KLHL8: variants seen among roughly 807,000 people sequenced by gnomAD.
KLHL8 encodes kelch-like protein 8.
Under a neutral mutation model 63.5 loss-of-function variants are expected in KLHL8, and 38 were observed. The ratio of observed to expected loss-of-function variants is 0.60; its 90% CI spans 0.46 to 0.78. The LOEUF is 0.78. Ranked by LOEUF, KLHL8 falls within the 30% of genes least tolerant of loss-of-function variation. The pLI is 0.00. For synonymous variants in KLHL8, 224 were observed against 254.3 expected (o/e 0.88, Z 1.13); for missense variants, 566 against 752.4 (o/e 0.75, Z 2.90).
chr4:87,210,084 G>A (rs144688986), intron 1 of KLHL8, among the ~76,000 whole-genome samples: 2 of 151,946 alleles, frequency 1.3e-5, no homozygotes, highest in African/African-American at 2.4e-5. Context: ...TGGTGAACTC[G>A]TGAGCTCCAG....
At chr4:87,234,797 G>T (rs1295885539) in intron 1 of KLHL8, among the ~76,000 whole-genome samples, 1 of 152,150 alleles carries the variant, frequency 6.6e-6, no homozygotes, top group African/African-American at 2.4e-5. Flanking sequence ...AACTCCATGT[G>T]GGTTATTGCC....
chr4:87,224,047 C>G (rs1023982859), upstream of KLHL8, among the ~76,000 whole-genome samples: 1 of 152,016 alleles, frequency 6.6e-6, no homozygotes, highest in Non-Finnish European at 1.5e-5. Context: ...ATTTTAACCC[C>G]AATCAACATT....
intron 1 of KLHL8, among the ~76,000 whole-genome samples, chr4:87,218,820 C>G (rs897727041): frequency 3.3e-5 from 5 of 152,024 alleles, no homozygotes; most frequent in African/African-American, 1.2e-4. Flanking sequence ...CTGCAACCTC[C>G]GCCTCCCGGG....
In KLHL8 at chr4:87,185,475, G is replaced by T. The variant is rs532769943; in HGVS notation, c.541C>A (p.Arg181=). ...TCCGCCATGTCCATTAAGTCTATTC[G>T]ATTGTGACTTTCTGCAAAGGCTCTT... The part of the protein sequence containing the change: ...AVRAFAESHN[R]IDLMDMADQY... Residue 181 remains arginine (R), a synonymous_variant, in exon 3 of 10, where the codon CGA becomes AGA. Transcript: ENST00000273963. 4.3e-6 allele frequency: 7 copies of T among 1,614,112 alleles called. No homozygotes were observed. The African/African-American group carries it at 9.3e-5, about 22-fold the overall frequency.
At chr4:87,230,121 A>C (rs1005624124) in intron 1 of KLHL8, among the ~76,000 whole-genome samples, 11 of 152,304 alleles carry the variant, frequency 7.2e-5, no homozygotes, top group Admixed American at 6.5e-4. Flanking sequence ...GGAATAATGC[A>C]GTACTTCTGA....
At chr4:87,224,661 T>C (rs979701199), upstream of KLHL8, among the ~76,000 whole-genome samples, 13 of 152,180 alleles carry the variant, frequency 8.5e-5, no homozygotes, top group African/African-American at 3.1e-4. Flanking sequence ...GTCACCCTCC[T>C]ACAAAACCAG....
intron 8 of KLHL8, among the ~76,000 whole-genome samples, chr4:87,164,850 A>G (rs1054516515): frequency 1.3e-5 from 2 of 152,154 alleles, no homozygotes; most frequent in African/African-American, 4.8e-5. Context: ...ATCAATCTAT[A>G]TAAAAACAAG....
chr4:87,164,880 G>T (rs932990833), intron 8 of KLHL8, among the ~76,000 whole-genome samples: 1 of 152,086 alleles, frequency 6.6e-6, no homozygotes. Context: ...CGGGCGCGGT[G>T]GCTCACGCCT....
At chr4:87,217,811 A>C (rs969151244) in intron 1 of KLHL8, among the ~76,000 whole-genome samples, 2 of 152,136 alleles carry the variant, frequency 1.3e-5, no homozygotes, top group Admixed American at 1.3e-4. Context: ...TACAAAAATA[A>C]ATGTGACTCT....
chr4:87,165,928 CTGAATCA>C (rs1188829415), intron 8 of KLHL8, among the ~76,000 whole-genome samples: 1 of 151,226 alleles, frequency 6.6e-6, no homozygotes, highest in East Asian at 1.9e-4. Context: ...AATGTTCAAC[CTGAATCA>C]TTCTTATTTT....
chr4:87,175,760 T>A lies in KLHL8; in HGVS notation c.1208+997A>T, dbSNP rs555169916. Among the ~76,000 whole-genome samples, 3 of 152,274 alleles carry A rather than the reference T, an allele frequency of 2.0e-5. No individual in the cohort carries two copies. In the South Asian group the frequency reaches 6.2e-4, roughly 32 times the overall value. Reference sequence around the variant, plus strand: ...GTTTATGTTGATGAGAATATAAATATTAGAACATAAATATGTAAATGAGAA... The same window carrying A: ...GTTTATGTTGATGAGAATATAAATAATAGAACATAAATATGTAAATGAGAA... On this transcript the variant is annotated intron_variant, in intron 6 of 9. Coordinates refer to ENST00000273963, the MANE Select transcript of KLHL8 (RefSeq NM_020803.5).
At chr4:87,226,872 TATAA>T (rs1359988807) in intron 1 of KLHL8, among the ~76,000 whole-genome samples, 6 of 39,292 alleles carry the variant, frequency 1.5e-4, no homozygotes, top group Non-Finnish European at 1.3e-4. Context: ...ATATATTATA[TATAA>T]ATAATATATA....
chr4:87,167,130 TATTTTATCAAGATAAAAG>T, intron 8 of KLHL8: 2 of 470,020 alleles, frequency 4.3e-6, no homozygotes, highest in Non-Finnish European at 8.1e-6. Flanking sequence ...CGGGAAACGT[TATTTTATCAAGATAAAAG>T]GATTTGTCGC....
At chr4:87,221,425 A>G (rs1280541390), upstream of KLHL8, 1 of 150,404 alleles carries the variant, frequency 6.6e-6, no homozygotes, top group African/African-American at 2.4e-5. Flanking sequence ...AAAGCAATGC[A>G]AGTAAAAGTG....
intron 1 of KLHL8, among the ~76,000 whole-genome samples, chr4:87,211,473 C>A (rs1325482135): frequency 6.6e-6 from 1 of 152,144 alleles, no homozygotes; most frequent in Non-Finnish European, 1.5e-5. Flanking sequence ...TGACTTCCAA[C>A]AAATTACTGC....
chr4:87,209,346 T>C (rs1204948301), intron 1 of KLHL8, among the ~76,000 whole-genome samples: 4 of 152,104 alleles, frequency 2.6e-5, no homozygotes. Context: ...GATGTCCATT[T>C]CTATCACATG....
chr4:87,194,337 G>A (rs1247381288), intron 2 of KLHL8, among the ~76,000 whole-genome samples: 1 of 152,144 alleles, frequency 6.6e-6, no homozygotes, highest in Admixed American at 6.5e-5. Flanking sequence ...AAACTTGCTG[G>A]TACCTTGATT....
At position 87,176,644 on chromosome 4, in the gene KLHL8, G is replaced by T. The variant is rs776822799; in HGVS notation, c.1208+113C>A. 1.4e-5 allele frequency: 9 copies of T among 640,700 alleles called. No individual in the cohort carries two copies. The East Asian group carries it at 2.5e-4, about 18-fold the overall frequency. The allele number at this position is 640,700 out of a possible 1,614,324, so 39.7% of individuals were successfully genotyped here. On this transcript the variant is annotated intron_variant, in intron 6 of 9. Coordinates refer to ENST00000273963, the MANE Select transcript of KLHL8 (RefSeq NM_020803.5). ...TTGGACATGCTAACAAAATGTGTTT[G>T]AGAAGGTATTTAAAGTTTCTAAAGT...
chr4:87,207,554 T>C, intron 1 of KLHL8: 1 of 1,112,634 alleles, frequency 9.0e-7, no homozygotes, highest in Non-Finnish European at 1.4e-6. Flanking sequence ...ACCAACTGCT[T>C]AGCGCCCCTG....
Sources: allele counts gnomAD v4.1 joint callset (sites outside exome capture counted in the v4.1 genomes callset), GRCh38; gene constraint gnomAD v4.1.1; transcripts MANE v1.5; gene names NCBI Gene and HGNC (gene_info 2026-07-23, HGNC 2026-07-21).